CRISPLD1: variants seen among roughly 807,000 people sequenced by gnomAD.
CRISPLD1 encodes the protein cysteine rich secretory protein LCCL domain containing 1, also known as cysteine-rich secretory protein LCCL domain-containing 1.
CRISPLD1 carries 60 observed loss-of-function variants against 77.5 expected under a neutral mutation model. The observed-to-expected ratio is 0.77, with a 90% CI of 0.63 to 0.96. The LOEUF is 0.96. Among genes scored for constraint, CRISPLD1 ranks in the 40% least tolerant of loss-of-function variants. The probability of loss-of-function intolerance (pLI) is 0.00; values close to 1 mark genes in which losing one functional copy is unlikely to be tolerated. For synonymous variants in CRISPLD1, 195 were observed against 200.1 expected, an observed-to-expected ratio of 0.97 and a Z score of 0.22; for missense variants, 623 against 615.8, an observed-to-expected ratio of 1.01 and a Z score of -0.12.
intron 10 of CRISPLD1, among the ~76,000 whole-genome samples, chr8:75,018,498 C>T (rs1421393682): frequency 6.6e-6 from 1 of 151,790 alleles, no homozygotes; most frequent in Admixed American, 6.6e-5. Context: ...ACCATGTTGG[C>T]CAGGCTGGTC....
At chr8:75,017,179 G>A in intron 9 of CRISPLD1, 66 bp downstream of exon 9, 1 of 1,522,846 alleles carries the variant, frequency 6.6e-7, no homozygotes, top group Non-Finnish European at 9.1e-7. Context: ...TTTTTATTGT[G>A]CAAAATAACA....
rs1030811868 is a variant in CRISPLD1, at chr8:75,016,872, TC to T, written c.869-8del. 1.9e-5 allele frequency: 30 copies of T among 1,562,410 alleles called. No homozygotes were observed. Among genetic ancestry groups the T allele is most frequent in the Non-Finnish European group, 2.5e-5 (29 of 1,152,986 alleles). Reference sequence around the variant, plus strand: ...TATTTAAGTTATTTAGGTATTTTTTTCTTTGTAGCCCAAATTGTTTCTTGTG... The same window carrying T: ...TATTTAAGTTATTTAGGTATTTTTTTTTTGTAGCCCAAATTGTTTCTTGTG... On this transcript the variant is annotated splice_region_variant and splice_polypyrimidine_tract_variant and intron_variant, in intron 7 of 14. Coordinates refer to ENST00000262207, the MANE Select transcript of CRISPLD1 (RefSeq NM_031461.6).
chr8:75,015,553 A>G (rs1261403869), intron 6 of CRISPLD1, among the ~76,000 whole-genome samples: 1 of 152,232 alleles, frequency 6.6e-6, no homozygotes, highest in Non-Finnish European at 1.5e-5. Context: ...TGTGCATTCA[A>G]GTGAACATTT....
chr8:75,016,896 G>C lies in CRISPLD1; in HGVS notation c.884G>C (p.Cys295Ser). ...TTCTTTGTAGCCCAAATTGTTTCTT[G>C]TGAAGTAAGATTAAGAGATCAGTGC... ...SAQQMSQIVS[C>S]EVRLRDQCKG... The change falls in exon 8 of 15, where the codon TGT (cysteine) becomes TCT (serine). Residue 295 changes from cysteine to serine, a missense_variant. By Grantham distance (112) the Cys-to-Ser change is moderately radical (BLOSUM62 -1). Coordinates refer to ENST00000262207, the MANE Select transcript of CRISPLD1 (RefSeq NM_031461.6). 1.3e-6 allele frequency: 2 copies of C among 1,570,384 alleles called. No individual in the cohort carries two copies. The highest frequency in any genetic ancestry group is 1.7e-6 in the Non-Finnish European group (2 of 1,156,988).
At chr8:75,002,498 AAATAAT>A (rs966553756) in intron 2 of CRISPLD1, among the ~76,000 whole-genome samples, 2 of 151,118 alleles carry the variant, frequency 1.3e-5, no homozygotes, top group African/African-American at 2.4e-5. Context: ...GTAAAAAAAA[AAATAAT>A]AATAATGATG....
At chr8:75,014,359 A>T (rs1467872697) in intron 5 of CRISPLD1, among the ~76,000 whole-genome samples, 1 of 152,096 alleles carries the variant, frequency 6.6e-6, no homozygotes, top group Non-Finnish European at 1.5e-5. Context: ...TCACTATACT[A>T]TCCATAAATA....
chr8:74,989,569 G>GTT (rs1462897444), intron 2 of CRISPLD1, among the ~76,000 whole-genome samples: 2 of 150,438 alleles, frequency 1.3e-5, no homozygotes, highest in Non-Finnish European at 3.0e-5. Flanking sequence ...AAAAATGTCT[G>GTT]TACATGTCCT....
Position 75,029,502 on chromosome 8 carries a change from G to A in CRISPLD1, c.1436G>A (p.Gly479Glu). The A allele has an allele frequency of 6.2e-7, 1 of 1,613,436 alleles. No homozygotes were observed. Among genetic ancestry groups the A allele is most frequent in the Non-Finnish European group, 8.5e-7 (1 of 1,179,606 alleles). Reference sequence around the variant, plus strand: ...ACCTACATTGCTTCTTTTCAGAATGGAATCTTCTCAGAAAGGTAAAAACAA... The same window carrying A: ...ACCTACATTGCTTCTTTTCAGAATGAAATCTTCTCAGAAAGGTAAAAACAA... ...RKTYIASFQN[G>E]IFSESLQNPP... is the part of the protein sequence containing the mutation. Residue 479 changes from glycine to glutamate, a missense_variant, in exon 14 of 15, where the codon GGA (glycine) becomes GAA (glutamate). By Grantham distance (98) the Gly-to-Glu change is moderately conservative. Coordinates refer to ENST00000262207, the MANE Select transcript of CRISPLD1 (RefSeq NM_031461.6).
At position 75,012,365 on chromosome 8, in the gene CRISPLD1, C is replaced by G. The variant is rs1812946837; in HGVS notation, c.259-68C>G. The G allele has an allele frequency of 7.8e-6, 7 of 893,772 alleles. 1 individual carries two copies. Among genetic ancestry groups the G allele is most frequent in the Non-Finnish European group, 1.3e-5 (7 of 529,866 alleles). The allele number at this position is 893,772 out of a possible 1,614,324, so 55.4% of individuals were successfully genotyped here. A position where few individuals can be genotyped will look rare whatever the true frequency, so the allele number is the denominator to read the frequency against. ...GAAAGAAGAAAATGTAAGAACTGCT[C>G]AACACTGTGTTCTGCAGAAGTGTCC... On this transcript the variant is annotated intron_variant, in intron 2 of 14. Transcript: ENST00000262207.
chr8:75,021,627 CTAAT>C (rs1481892161), intron 12 of CRISPLD1, among the ~76,000 whole-genome samples: 2 of 152,082 alleles, frequency 1.3e-5, no homozygotes, highest in African/African-American at 2.4e-5. Context: ...TAGAGCTTGA[CTAAT>C]TATCCTCTTA....
intron 6 of CRISPLD1, 30 bp downstream of exon 6, chr8:75,014,942 T>C (rs770889394): frequency 1.4e-6 from 2 of 1,425,090 alleles, no homozygotes; most frequent in Middle Eastern, 3.5e-4. Flanking sequence ...GGTATTCATG[T>C]TGATTTATAT....
intron 13 of CRISPLD1, among the ~76,000 whole-genome samples, chr8:75,027,328 A>G (rs143044255): frequency 2.6e-4 from 39 of 152,360 alleles, no homozygotes; most frequent in Non-Finnish European, 5.3e-4. Flanking sequence ...TGTTGAAACA[A>G]GTAGATTAAT....
intron 2 of CRISPLD1, 68 bp from the exon 3 acceptor site, chr8:75,012,365 C>A: frequency 1.1e-6 from 1 of 893,886 alleles, no homozygotes; most frequent in South Asian, 1.4e-5. Context: ...AAGAACTGCT[C>A]AACACTGTGT....
chr8:75,020,472 C>T (rs1339003146), intron 12 of CRISPLD1, among the ~76,000 whole-genome samples: 5 of 152,162 alleles, frequency 3.3e-5, no homozygotes, highest in Admixed American at 3.3e-4. Flanking sequence ...TGAGGGCTCT[C>T]TTCCTGGTCT....
chr8:75,016,829 C>A, intron 7 of CRISPLD1, 52 bp from the exon 8 acceptor site: 1 of 1,521,648 alleles, frequency 6.6e-7, no homozygotes, highest in South Asian at 1.2e-5. Context: ...ATATAATGAA[C>A]TACAACTGCT....
At chr8:74,986,799 A>T (rs1812504323) in intron 2 of CRISPLD1, among the ~76,000 whole-genome samples, 1 of 152,240 alleles carries the variant, frequency 6.6e-6, no homozygotes. Context: ...AACTTGAAGC[A>T]TGAAAATAAG....
intron 2 of CRISPLD1, among the ~76,000 whole-genome samples, chr8:74,989,893 T>C (rs1812547171): frequency 6.6e-6 from 1 of 152,206 alleles, no homozygotes; most frequent in Non-Finnish European, 1.5e-5. Flanking sequence ...TGTAAGTCTT[T>C]AATTCATAAA....
At chr8:75,021,695 T>G (rs1813138861) in intron 12 of CRISPLD1, among the ~76,000 whole-genome samples, 1 of 152,164 alleles carries the variant, frequency 6.6e-6, no homozygotes, top group Non-Finnish European at 1.5e-5. Context: ...TTAGTCAATT[T>G]TGGAGAAATA....
In CRISPLD1 at chr8:75,012,007, AAG is replaced by A. The variant is rs200276431; in HGVS notation, c.259-423_259-422del. Reference sequence around the variant, plus strand: ...TATAAAGCTGGATTGTGAAGGAAGAAAGAGTAGGGACTTGTCTGACAAATAAC... The same window carrying A: ...TATAAAGCTGGATTGTGAAGGAAGAAAGTAGGGACTTGTCTGACAAATAAC... On this transcript the variant is annotated intron_variant, in intron 2 of 14. Transcript: ENST00000262207. 7.9e-3 allele frequency among the ~76,000 whole-genome samples: 1,202 copies of A among 152,236 alleles called. 10 individuals are homozygous for A. Among genetic ancestry groups the A allele is most frequent in the Middle Eastern group, 0.014 (4 of 292 alleles).
Sources: gnomAD v4.1 joint callset for allele counts (sites outside exome capture counted in the v4.1 genomes callset) on GRCh38, gnomAD v4.1.1 for gene constraint, MANE v1.5 for transcripts, NCBI Gene and HGNC (gene_info 2026-07-23, HGNC 2026-07-21) for gene names.